The following CCDC14 variants were observed in gnomAD, a reference collection of about 807,000 sequenced individuals.
CCDC14 encodes coiled-coil domain-containing protein 14.
In CCDC14, 71 loss-of-function variants were observed where a neutral mutation model predicts 81.4. The observed-to-expected ratio is 0.87, with a 90% CI of 0.72 to 1.06. The LOEUF is 1.06. Among genes scored for constraint, CCDC14 ranks in the 50% least tolerant of loss-of-function variants. The probability of loss-of-function intolerance (pLI) is 0.00; values close to 1 mark genes in which losing one functional copy is unlikely to be tolerated. For synonymous variants in CCDC14, 332 were observed against 364.8 expected (o/e 0.91, Z 1.03); for missense variants, 1,046 against 1,047.3 (o/e 1.00, Z 0.02).
chr3:123,921,428 A>C lies in CCDC14; in HGVS notation c.1779-5710T>G, dbSNP rs113233566. On this transcript the variant is annotated intron_variant, in intron 12 of 12. Coordinates refer to ENST00000409697, the MANE Select transcript of CCDC14 (RefSeq NM_001366335.1). Reference sequence around the variant, plus strand: ...ACTTTAAGTCAAAAACTGTAAAAAGAAGCAAAGAAGGTCACTATATAATGA... The same window carrying C: ...ACTTTAAGTCAAAAACTGTAAAAAGCAGCAAAGAAGGTCACTATATAATGA... 1.8e-3 allele frequency among the ~76,000 whole-genome samples: 280 copies of C among 152,324 alleles called. 2 individuals are homozygous for C. Among genetic ancestry groups the C allele is most frequent in the Middle Eastern group, 0.01 (3 of 294 alleles).
intron 12 of CCDC14, among the ~76,000 whole-genome samples, chr3:123,925,737 A>G (rs1379344963): frequency 6.6e-6 from 1 of 152,150 alleles, no homozygotes; most frequent in Non-Finnish European, 1.5e-5. Flanking sequence ...CGTCCAGCCT[A>G]GGGTGATTAT....
chr3:123,890,265 T>C, the CCDC14 span, among the ~76,000 whole-genome samples: 4 of 152,212 alleles, frequency 2.6e-5, no homozygotes, highest in African/African-American at 9.6e-5. Flanking sequence ...CATATTATTC[T>C]GCCCCGGCAT....
At chr3:123,928,058 T>C (rs1453610557) in intron 12 of CCDC14, among the ~76,000 whole-genome samples, 2 of 152,184 alleles carry the variant, frequency 1.3e-5, no homozygotes, top group Non-Finnish European at 1.5e-5. Context: ...CCCTTTTTTC[T>C]TTGGGCTTCC....
chr3:123,947,403 A>G, intron 7 of CCDC14, 84 bp from the exon 8 acceptor site: 8 of 887,808 alleles, frequency 9.0e-6, no homozygotes, highest in Non-Finnish European at 8.4e-6. Flanking sequence ...TATATGAAAT[A>G]TATTTATTAA....
At chr3:123,938,714 TAAG>T (rs560338460) in intron 9 of CCDC14, among the ~76,000 whole-genome samples, 141 of 152,028 alleles carry the variant, frequency 9.3e-4, no homozygotes, top group African/African-American at 3.1e-3. Flanking sequence ...AACAAATATC[TAAG>T]AAGAATTTTA....
intron 5 of CCDC14, chr3:123,949,552 A>G: frequency 6.5e-6 from 1 of 154,928 alleles, no homozygotes; most frequent in Non-Finnish European, 1.4e-5. Context: ...GGTCCTCAAA[A>G]ACAAAACAAA....
intron 12 of CCDC14, among the ~76,000 whole-genome samples, chr3:123,930,413 C>T (rs2035626040): frequency 6.6e-6 from 1 of 152,180 alleles, no homozygotes; most frequent in Non-Finnish European, 1.5e-5. Flanking sequence ...CTTTAGGCCT[C>T]AGATAACTGA....
At chr3:123,949,274 C>T in intron 5 of CCDC14, 142 bp from the exon 6 acceptor site, 1 of 585,686 alleles carries the variant, frequency 1.7e-6, no homozygotes, top group Non-Finnish European at 3.0e-6. Context: ...ATCACCCCTA[C>T]TAAAGAAAAT....
At chr3:123,952,489 A>G (rs2037074369) in intron 5 of CCDC14, 1 of 374,264 alleles carries the variant, frequency 2.7e-6, no homozygotes, top group Non-Finnish European at 6.1e-6. Flanking sequence ...TATTTAAAAA[A>G]TACATATTTT....
At chr3:123,916,580 G>A (rs922176106) in intron 12 of CCDC14, among the ~76,000 whole-genome samples, 40 of 151,890 alleles carry the variant, frequency 2.6e-4, no homozygotes, top group Non-Finnish European at 4.4e-4. Flanking sequence ...CCAGAAAGGT[G>A]TATAACGAAA....
intron 5 of CCDC14, among the ~76,000 whole-genome samples, chr3:123,903,297 AACACACACACACACACACACACACAC>A (rs57466490): frequency 2.1e-5 from 3 of 144,210 alleles, no homozygotes; most frequent in African/African-American, 5.3e-5. Flanking sequence ...TTATTTTTCA[AACACACACACACACACACACACACAC>A]ACACACACAC....
At chr3:123,958,258 C>T (rs924428933) in intron 1 of CCDC14, 5 of 152,118 alleles carry the variant, frequency 3.3e-5, no homozygotes, top group African/African-American at 1.2e-4. Flanking sequence ...CACTATAATA[C>T]TATACCCTGG....
At position 123,921,282 on chromosome 3, in the gene CCDC14, A is replaced by C. The variant is rs75364499; in HGVS notation, c.1779-5564T>G. On this transcript the variant is annotated intron_variant, in intron 12 of 12. Transcript: ENST00000409697. The stretch of plus-strand genomic sequence containing the variant: ...GAATCAAAAACTGTATGCTGCTTAC[A>C]CGAGGCTCACTCTAAGGTAAAGCAC... 0.021 allele frequency among the ~76,000 whole-genome samples: 3,254 copies of C among 152,322 alleles called. 326 individuals carry two copies. In the East Asian group the frequency reaches 0.34, roughly 16 times the overall value.
chr3:123,900,191 AAAC>A (rs1158249026), intron 5 of CCDC14, among the ~76,000 whole-genome samples: 4 of 152,212 alleles, frequency 2.6e-5, no homozygotes, highest in Non-Finnish European at 4.4e-5. Flanking sequence ...CAAAACAACC[AAAC>A]AACATCATAA....
intron 5 of CCDC14, chr3:123,954,930 A>G (rs990351979): frequency 6.6e-6 from 1 of 152,134 alleles, no homozygotes; most frequent in Non-Finnish European, 1.5e-5. Flanking sequence ...ACAGGTCAAG[A>G]TAATATAAAG....
At chr3:123,946,224 A>G (rs545348089) in intron 8 of CCDC14, among the ~76,000 whole-genome samples, 1 of 151,930 alleles carries the variant, frequency 6.6e-6, no homozygotes, top group African/African-American at 2.4e-5. Context: ...ACTGTAACTC[A>G]TTTCAAGCAA....
intron 9 of CCDC14, among the ~76,000 whole-genome samples, chr3:123,938,853 T>G (rs913035602): frequency 1.2e-4 from 19 of 152,062 alleles, no homozygotes; most frequent in Admixed American, 7.2e-4. Flanking sequence ...TTTCTTTACT[T>G]CAAGAAATAT....
chr3:123,900,868 G>T (rs752077770), intron 5 of CCDC14, among the ~76,000 whole-genome samples: 3 of 152,170 alleles, frequency 2.0e-5, no homozygotes, highest in African/African-American at 7.2e-5. Context: ...ATTGGAATTA[G>T]ATAAAATGAT....
intron 12 of CCDC14, among the ~76,000 whole-genome samples, chr3:123,927,033 G>A (rs2035403546): frequency 6.6e-6 from 1 of 151,882 alleles, no homozygotes; most frequent in African/African-American, 2.4e-5. Flanking sequence ...AATTGCATAG[G>A]GTGTCATCAA....
Sources: gnomAD v4.1 joint callset for allele counts (sites outside exome capture counted in the v4.1 genomes callset) on GRCh38, gnomAD v4.1.1 for gene constraint, MANE v1.5 for transcripts, NCBI Gene and HGNC (gene_info 2026-07-23, HGNC 2026-07-21) for gene names.